KIFAP3: variants seen among roughly 807,000 people sequenced by gnomAD.
KIFAP3 encodes kinesin associated protein 3, also known as kinesin-associated protein 3.
A neutral mutation model predicts 106.5 loss-of-function variants in KIFAP3; 68 were observed. The observed-to-expected ratio is 0.64, with a 90% CI of 0.53 to 0.78. The LOEUF is 0.78. KIFAP3 is among the 30% of genes least tolerant of loss of function. The probability of loss-of-function intolerance (pLI) is 0.00; values close to 1 mark genes in which losing one functional copy is unlikely to be tolerated. For synonymous variants in KIFAP3, 320 were observed against 311.5 expected (o/e 1.03, Z -0.29); for missense variants, 780 against 941.8 (o/e 0.83, Z 2.25).
intron 19 of KIFAP3, among the ~76,000 whole-genome samples, chr1:169,924,168 TAAA>T (rs1338588867): frequency 6.6e-6 from 1 of 152,196 alleles, no homozygotes; most frequent in Non-Finnish European, 1.5e-5. Flanking sequence ...ACATTGTTGA[TAAA>T]AACCTGCAGT....
At chr1:170,041,684 T>G in intron 3 of KIFAP3, 1 of 1,534,950 alleles carries the variant, frequency 6.5e-7, no homozygotes, top group Non-Finnish European at 8.7e-7. Flanking sequence ...GACCTTCACA[T>G]AAGCTTGCTT....
At chr1:170,047,833 C>T (rs1000217862) in intron 2 of KIFAP3, among the ~76,000 whole-genome samples, 4 of 152,182 alleles carry the variant, frequency 2.6e-5, no homozygotes, top group Non-Finnish European at 4.4e-5. Flanking sequence ...CCTAGTTACA[C>T]GGATTCAGGG....
intron 7 of KIFAP3, 102 bp downstream of exon 7, chr1:170,034,270 A>G: frequency 9.3e-7 from 1 of 1,071,364 alleles, no homozygotes; most frequent in South Asian, 1.5e-5. Flanking sequence ...AAGTAATGTA[A>G]TTAACAATTT....
In KIFAP3 at chr1:169,993,242, G is replaced by T. The variant is rs537647063; in HGVS notation, c.1184-987C>A. ...CCTGCCTCAACCTCCTGAGTAGCTG[G>T]GATTCAGGCGCCCACTACCACACCT... On this transcript the variant is annotated intron_variant, in intron 10 of 19. Transcript: ENST00000361580. Among the ~76,000 whole-genome samples, 21 of 151,436 alleles carry T rather than the reference G, an allele frequency of 1.4e-4. No homozygotes were observed. The South Asian group carries it at 4.4e-3, about 32-fold the overall frequency.
At chr1:169,970,390 C>T (rs1306048474) in intron 17 of KIFAP3, among the ~76,000 whole-genome samples, 1 of 152,014 alleles carries the variant, frequency 6.6e-6, no homozygotes, top group Non-Finnish European at 1.5e-5. Flanking sequence ...AGGGCTTGGG[C>T]CCAACTACAT....
At chr1:169,992,735 A>C (rs780843359) in intron 10 of KIFAP3, among the ~76,000 whole-genome samples, 11 of 152,196 alleles carry the variant, frequency 7.2e-5, no homozygotes, top group Non-Finnish European at 1.5e-4. Flanking sequence ...ATATGACTAT[A>C]AAATGCTATA....
At chr1:169,942,677 C>T (rs1664194889) in intron 19 of KIFAP3, among the ~76,000 whole-genome samples, 1 of 152,082 alleles carries the variant, frequency 6.6e-6, no homozygotes, top group Non-Finnish European at 1.5e-5. Context: ...GGCTATGTAA[C>T]CCAAGATGTG....
intron 19 of KIFAP3, among the ~76,000 whole-genome samples, chr1:169,936,760 G>A (rs1663827261): frequency 6.6e-6 from 1 of 151,342 alleles, no homozygotes; most frequent in Non-Finnish European, 1.5e-5. Flanking sequence ...AAATGAGGGG[G>A]AGTATTATTT....
chr1:169,947,303 T>C (rs1411262578), intron 19 of KIFAP3, among the ~76,000 whole-genome samples: 1 of 151,992 alleles, frequency 6.6e-6, no homozygotes, highest in African/African-American at 2.4e-5. Context: ...TCAAATCATA[T>C]ACCATGCCCG....
rs1667140713 is a variant in KIFAP3 at position 169,992,191 on chromosome 1, A to G, written c.1248T>C (p.Phe416=). ...AGTCAGTGTATGCAAACATTGATTT[A>G]AAGCGGTCATCCATGCTTATGTGGT... ...VLYHISMDDR[F]KSMFAYTDCI... is the part of the protein sequence containing the mutation. Residue 416 remains phenylalanine (F), a synonymous_variant, in exon 11 of 20, where the codon TTT becomes TTC. Transcript: ENST00000361580. The G allele has an allele frequency of 6.3e-7, 1 of 1,584,016 alleles. No homozygotes were observed. Among genetic ancestry groups the G allele is most frequent in the African/African-American group, 1.4e-5 (1 of 73,294 alleles).
In KIFAP3 at chr1:170,046,786, T is replaced by G. The variant is rs1191766013; in HGVS notation, c.245A>C (p.His82Pro). Reference protein sequence around the residue: ...RKVVEECKLIHPSKLNEVEQL... With the variant: ...RKVVEECKLIPPSKLNEVEQL... ...TTCTACCTCATTTAGTTTTGAAGGA[T>G]GAATGAGTTTACATTCTTCAACCAC... The change falls in exon 3 of 20, where the codon CAT becomes CCT. Residue 82 changes from histidine (H) to proline (P), a missense_variant. Coordinates refer to ENST00000361580, the MANE Select transcript of KIFAP3 (RefSeq NM_014970.4). 3 of 1,611,334 alleles carry G rather than the reference T, an allele frequency of 1.9e-6. No individual in the cohort carries two copies.
intron 17 of KIFAP3, among the ~76,000 whole-genome samples, chr1:169,965,976 TTCTC>T (rs749781830): frequency 5.3e-5 from 8 of 152,062 alleles, no homozygotes; most frequent in Admixed American, 1.3e-4. Flanking sequence ...AATTTTCACC[TTCTC>T]TCTTTTATCA....
chr1:169,953,197 A>C, intron 19 of KIFAP3, among the ~76,000 whole-genome samples: 1 of 152,110 alleles, frequency 6.6e-6, no homozygotes, highest in East Asian at 1.9e-4. Context: ...TTATGTAATA[A>C]AGCTGGATAT....
chr1:170,039,538 G>A (rs1198926868), intron 3 of KIFAP3, among the ~76,000 whole-genome samples: 2 of 151,950 alleles, frequency 1.3e-5, no homozygotes, highest in Non-Finnish European at 2.9e-5. Flanking sequence ...TTAACTTTTT[G>A]GGTATATAAG....
chr1:169,926,039 T>G (rs952887548), intron 19 of KIFAP3, among the ~76,000 whole-genome samples: 1 of 152,158 alleles, frequency 6.6e-6, no homozygotes, highest in Non-Finnish European at 1.5e-5. Context: ...TGGAAGTCTT[T>G]GACTTGGGAA....
In KIFAP3 at chr1:169,954,073, A is replaced by G; in HGVS notation, c.2211T>C (p.Asp737=). 6.2e-7 allele frequency: 1 copy of G among 1,613,528 alleles called. No individual in the cohort carries two copies. The highest frequency in any genetic ancestry group is 8.5e-7 in the Non-Finnish European group (1 of 1,179,518). ...LIASEGAISP[D]FFNDYHLQNG... ...TTTGAAGGTGGTAATCATTGAAGAA[A>G]TCGGGACTTATGGCTCCTTCAGAGG... The change falls in exon 19 of 20, where the codon GAT becomes GAC. Residue 737 remains aspartate, a synonymous_variant. Coordinates refer to ENST00000361580, the MANE Select transcript of KIFAP3 (RefSeq NM_014970.4).
intron 10 of KIFAP3, among the ~76,000 whole-genome samples, chr1:169,996,846 T>C (rs534978723): frequency 3.3e-5 from 5 of 152,128 alleles, no homozygotes; most frequent in Admixed American, 2.6e-4. Flanking sequence ...AATGGAGAAA[T>C]GCAATCAGAT....
At chr1:170,001,461 T>A (rs1571638609) in intron 10 of KIFAP3, among the ~76,000 whole-genome samples, 1 of 152,270 alleles carries the variant, frequency 6.6e-6, no homozygotes, top group East Asian at 1.9e-4. Flanking sequence ...ATTAATAACT[T>A]CAAGCAATCT....
intron 1 of KIFAP3, among the ~76,000 whole-genome samples, chr1:170,083,586 T>G (rs1294342428): frequency 6.6e-6 from 1 of 152,210 alleles, no homozygotes; most frequent in Non-Finnish European, 1.5e-5. Flanking sequence ...TTAAATGAGA[T>G]AGCATACATA....
Sources: gnomAD v4.1 joint callset for allele counts (sites outside exome capture counted in the v4.1 genomes callset) on GRCh38, gnomAD v4.1.1 for gene constraint, MANE v1.5 for transcripts, NCBI Gene and HGNC (gene_info 2026-07-23, HGNC 2026-07-21) for gene names.